ZNF569: variants seen among roughly 807,000 people sequenced by gnomAD.
ZNF569 encodes zinc finger protein 569.
Under a neutral mutation model 56.3 loss-of-function variants are expected in ZNF569, and 38 were observed. The ratio of observed to expected loss-of-function variants is 0.68; its 90% CI spans 0.52 to 0.88. ZNF569 has a LOEUF of 0.88. Ranked by LOEUF, ZNF569 falls within the 40% of genes least tolerant of loss-of-function variation. The pLI is 0.00. For missense variants in ZNF569, 666 were observed against 809.2 expected, an observed-to-expected ratio of 0.82 and a Z score of 2.15; for synonymous variants, 241 against 262.9, an observed-to-expected ratio of 0.92 and a Z score of 0.81.
At chr19:37,436,179 A>C (rs984724709) in intron 3 of ZNF569, among the ~76,000 whole-genome samples, 1 of 152,134 alleles carries the variant, frequency 6.6e-6, no homozygotes, top group Non-Finnish European at 1.5e-5. Context: ...AGAAATCAAT[A>C]AGGAGGAATT....
chr19:37,448,579 T>G (rs983831324), intron 2 of ZNF569, among the ~76,000 whole-genome samples: 2 of 146,552 alleles, frequency 1.4e-5, no homozygotes, highest in Non-Finnish European at 3.0e-5. Flanking sequence ...TTTTTTTTTT[T>G]TTGAGACGGA....
intron 2 of ZNF569, among the ~76,000 whole-genome samples, chr19:37,446,567 A>AAAAAAAAAG (rs1555839149): frequency 5.7e-5 from 8 of 141,036 alleles, no homozygotes; most frequent in African/African-American, 8.2e-5. Context: ...AAAAAAAAAA[A>AAAAAAAAAG]AAGAATGAAA....
At chr19:37,421,161 G>C (rs1005241793) in intron 5 of ZNF569, among the ~76,000 whole-genome samples, 7 of 152,156 alleles carry the variant, frequency 4.6e-5, no homozygotes, top group African/African-American at 1.2e-4. Flanking sequence ...TATAGAGCAC[G>C]AGCAGGGTGT....
chr19:37,426,468 G>GAACA, intron 3 of ZNF569, 90 bp from the exon 4 acceptor site: 1 of 1,360,728 alleles, frequency 7.3e-7, no homozygotes, highest in Non-Finnish European at 9.6e-7. Flanking sequence ...ATATTAATCA[G>GAACA]AGGTTATTAA....
At chr19:37,460,402 C>A (rs2041738156) in intron 2 of ZNF569, among the ~76,000 whole-genome samples, 1 of 152,094 alleles carries the variant, frequency 6.6e-6, no homozygotes, top group African/African-American at 2.4e-5. Context: ...CTTGGCCTCC[C>A]AAAGTGCTGG....
rs73930993 is a variant in ZNF569, at chr19:37,460,994, G to T, written c.-44+4319C>A. 2.6e-3 allele frequency among the ~76,000 whole-genome samples: 400 copies of T among 152,136 alleles called. 1 individual carries two copies. The highest frequency in any genetic ancestry group is 9.3e-3 in the African/African-American group (385 of 41,498). On this transcript the variant is annotated intron_variant, in intron 2 of 5. Coordinates refer to ENST00000316950, the MANE Select transcript of ZNF569 (RefSeq NM_152484.3). The stretch of plus-strand genomic sequence containing the variant: ...TGCTAAAAATGATGAATATATAATG[G>T]TGATAATAATAAAAACAACCCACTA...
chr19:37,448,146 G>A (rs1310745913), intron 2 of ZNF569, among the ~76,000 whole-genome samples: 1 of 152,134 alleles, frequency 6.6e-6, no homozygotes, highest in Non-Finnish European at 1.5e-5. Flanking sequence ...AGTTTGTATA[G>A]AATCATTAGA....
At chr19:37,468,094 G>GT (rs145332123), upstream of ZNF569, 109,596 of 662,934 alleles carry the variant, frequency 0.17, 9,457 homozygotes, top group Middle Eastern at 0.27. Flanking sequence ...TGTTTGTTTT[G>GT]TTTTTTTTGA....
intron 3 of ZNF569, among the ~76,000 whole-genome samples, chr19:37,441,969 T>A (rs900773381): frequency 3.3e-5 from 5 of 152,230 alleles, no homozygotes; most frequent in Admixed American, 2.0e-4. Context: ...TCTGAATGAC[T>A]AAATAATTGT....
intron 5 of ZNF569, among the ~76,000 whole-genome samples, chr19:37,418,101 AAATAAT>A (rs199794961): frequency 0.12 from 16,643 of 143,166 alleles, 1,237 homozygotes; most frequent in Non-Finnish European, 0.17. Flanking sequence ...ACTCCATCTC[AAATAAT>A]AATAATAATA....
At chr19:37,465,229 T>C (rs2041812023) in intron 2 of ZNF569, 84 bp downstream of exon 2, 1 of 152,240 alleles carries the variant, frequency 6.6e-6, no homozygotes, top group Admixed American at 6.5e-5. Flanking sequence ...CAGACTCCTA[T>C]CTCTAGTTCT....
chr19:37,413,389 T>C lies in ZNF569; in HGVS notation c.1269A>G (p.Lys423=). 1 of 1,611,482 alleles carries C rather than the reference T, an allele frequency of 6.2e-7. No individual in the cohort carries two copies. ...GAATTTTCTGGTGTGTAATGAAGTT[T>C]TTCTTGTGGCTGAAGGCTTTTCTGC... The part of the protein sequence containing the change: ...KECRKAFSHK[K]NFITHQKIHT... The change falls in exon 6 of 6, where the codon AAA becomes AAG. Residue 423 remains lysine, a synonymous_variant. Coordinates refer to ENST00000316950, the MANE Select transcript of ZNF569 (RefSeq NM_152484.3).
intron 3 of ZNF569, among the ~76,000 whole-genome samples, chr19:37,441,668 A>G (rs1173809486): frequency 6.6e-6 from 1 of 151,888 alleles, no homozygotes; most frequent in East Asian, 1.9e-4. Flanking sequence ...AAAAAAAAAA[A>G]GAAGGCAAGA....
intron 2 of ZNF569, among the ~76,000 whole-genome samples, chr19:37,463,345 A>T (rs1448199088): frequency 1.3e-5 from 2 of 152,284 alleles, no homozygotes; most frequent in South Asian, 4.1e-4. Context: ...CATCATAGCC[A>T]TCATAACATC....
At chr19:37,439,301 C>T (rs949644004) in intron 3 of ZNF569, among the ~76,000 whole-genome samples, 33 of 152,152 alleles carry the variant, frequency 2.2e-4, no homozygotes, top group Non-Finnish European at 1.0e-4. Flanking sequence ...GAACTCCTGA[C>T]CTCAGATGAT....
At chr19:37,454,928 T>C in intron 2 of ZNF569, 1 of 699,256 alleles carries the variant, frequency 1.4e-6, no homozygotes, top group Non-Finnish European at 2.6e-6. Context: ...AGATTTAAGA[T>C]TACTTGGTTG....
At chr19:37,463,298 A>G (rs1035166147) in intron 2 of ZNF569, among the ~76,000 whole-genome samples, 29 of 152,198 alleles carry the variant, frequency 1.9e-4, no homozygotes, top group African/African-American at 6.3e-4. Flanking sequence ...GTCCTATAAG[A>G]CTTTAATGAA....
At chr19:37,451,516 G>A (rs2041593446) in intron 2 of ZNF569, among the ~76,000 whole-genome samples, 1 of 151,630 alleles carries the variant, frequency 6.6e-6, no homozygotes, top group African/African-American at 2.4e-5. Context: ...CATTATTAAT[G>A]GACAGAAAGT....
chr19:37,439,195 T>G (rs931427655), intron 3 of ZNF569, among the ~76,000 whole-genome samples: 1 of 152,160 alleles, frequency 6.6e-6, no homozygotes, highest in African/African-American at 2.4e-5. Flanking sequence ...CTCAGCCTCC[T>G]GAGTAGCTGG....
Sources: allele counts gnomAD v4.1 joint callset (sites outside exome capture counted in the v4.1 genomes callset), GRCh38; gene constraint gnomAD v4.1.1; transcripts MANE v1.5; gene names NCBI Gene and HGNC (gene_info 2026-07-23, HGNC 2026-07-21).